Variants in ATP13A5 observed in about 807,000 individuals in gnomAD.
ATP13A5 encodes the protein ATPase 13A5, also known as probable cation-transporting ATPase 13A5.
In ATP13A5, 149 loss-of-function variants were observed where a neutral mutation model predicts 150.2. The ratio of observed to expected loss-of-function variants is 0.99; its 90% CI spans 0.87 to 1.14. The LOEUF (loss-of-function observed/expected upper bound fraction) is 1.14, where lower values mean the gene tolerates loss of function less well. Ranked by LOEUF, ATP13A5 falls within the 50% of genes most tolerant of loss-of-function variation. The pLI, the probability that ATP13A5 is intolerant of heterozygous loss-of-function variation, is 0.00. For missense variants in ATP13A5, 1,383 were observed against 1,449.3 expected (o/e 0.95, Z 0.74); for synonymous variants, 497 against 522.2 (o/e 0.95, Z 0.66).
intron 24 of ATP13A5, among the ~76,000 whole-genome samples, chr3:193,300,962 G>T (rs370028269): frequency 2.6e-5 from 4 of 152,284 alleles, no homozygotes; most frequent in East Asian, 3.9e-4. Context: ...AGAAACAGGG[G>T]TTTGGAGAGG....
chr3:193,327,276 T>C (rs1393065673), intron 12 of ATP13A5, among the ~76,000 whole-genome samples: 1 of 152,182 alleles, frequency 6.6e-6, no homozygotes, highest in Non-Finnish European at 1.5e-5. Flanking sequence ...TTAGGTGATT[T>C]CAGTTACTAA....
intron 13 of ATP13A5, 94 bp downstream of exon 13, chr3:193,326,902 G>T: frequency 9.6e-7 from 1 of 1,043,232 alleles, no homozygotes; most frequent in Non-Finnish European, 1.5e-6. Context: ...TATATTTTAT[G>T]TGACATTCAT....
At position 193,366,613 on chromosome 3, in the gene ATP13A5, A is replaced by G. The variant is rs995753557; in HGVS notation, c.64-2333T>C. On this transcript the variant is annotated intron_variant, in intron 1 of 29. Coordinates refer to ENST00000342358, the MANE Select transcript of ATP13A5 (RefSeq NM_198505.4). ...ATAGTTTTAAAAATTATAAAGAAAA[A>G]TTGATAGAATTTAAATCTACTCTCA... Among the ~76,000 whole-genome samples the G allele has an allele frequency of 9.9e-5, 15 of 152,050 alleles. 1 individual carries two copies. The highest frequency in any genetic ancestry group is 2.9e-4 in the African/African-American group (12 of 41,464).
chr3:193,338,524 C>A (rs1484447141), intron 9 of ATP13A5, among the ~76,000 whole-genome samples: 1 of 152,104 alleles, frequency 6.6e-6, no homozygotes, highest in African/African-American at 2.4e-5. Flanking sequence ...TGTTTATATG[C>A]TGGATTACAT....
intron 3 of ATP13A5, 117 bp from the exon 4 acceptor site, chr3:193,362,754 T>TTTCC (rs1260064561): frequency 4.3e-4 from 28 of 65,824 alleles, no homozygotes; most frequent in African/African-American, 3.6e-3. Context: ...GCTTTCCTTC[T>TTTCC]TTCTTTCTTT....
At chr3:193,335,677 T>C (rs1398904895) in intron 9 of ATP13A5, among the ~76,000 whole-genome samples, 2 of 152,162 alleles carry the variant, frequency 1.3e-5, no homozygotes, top group African/African-American at 4.8e-5. Context: ...CAAGTCCCAT[T>C]TTTATCATCT....
chr3:193,366,380 T>C (rs1713237692), intron 1 of ATP13A5, among the ~76,000 whole-genome samples: 1 of 151,910 alleles, frequency 6.6e-6, no homozygotes, highest in African/African-American at 2.4e-5. Flanking sequence ...AAGAAGTGGA[T>C]AGGTTAAAAA....
chr3:193,276,912 A>G (rs1290660039), intron 28 of ATP13A5, 82 bp from the exon 29 acceptor site: 32 of 1,037,320 alleles, frequency 3.1e-5, no homozygotes, highest in Middle Eastern at 5.9e-4. Context: ...TAATTTATAG[A>G]TTTGTAATAA....
chr3:193,310,838 A>G, intron 20 of ATP13A5, 121 bp from the exon 21 acceptor site: 5 of 616,310 alleles, frequency 8.1e-6, no homozygotes, highest in Admixed American at 3.3e-5. Context: ...ATGGTATGTC[A>G]TTAGACCAAT....
chr3:193,337,643 A>G (rs868857852), intron 9 of ATP13A5, among the ~76,000 whole-genome samples: 7 of 152,154 alleles, frequency 4.6e-5, no homozygotes, highest in Non-Finnish European at 1.0e-4. Flanking sequence ...GCCTTGTAGT[A>G]TAGTTTGAAG....
At chr3:193,282,117 C>T (rs1400481362) in intron 27 of ATP13A5, among the ~76,000 whole-genome samples, 1 of 151,896 alleles carries the variant, frequency 6.6e-6, no homozygotes, top group Non-Finnish European at 1.5e-5. Flanking sequence ...ATTGCTTGAT[C>T]CCGGGAGGTG....
At chr3:193,305,938 G>C (rs1397675092) in intron 22 of ATP13A5, among the ~76,000 whole-genome samples, 1 of 152,018 alleles carries the variant, frequency 6.6e-6, no homozygotes. Context: ...GGCCCTGCCT[G>C]TGGGGATTAT....
rs150546607 is a variant in ATP13A5 at position 193,284,402 on chromosome 3, G to T, written c.3226+512C>A. On this transcript the variant is annotated intron_variant, in intron 27 of 29. Coordinates refer to ENST00000342358, the MANE Select transcript of ATP13A5 (RefSeq NM_198505.4). Reference sequence around the variant, plus strand: ...TTAAATTAATACACAGGGAAAGTAAGTAAGATTTTTTGAGCCCCTATTATA... The same window carrying T: ...TTAAATTAATACACAGGGAAAGTAATTAAGATTTTTTGAGCCCCTATTATA... Among the ~76,000 whole-genome samples the T allele has an allele frequency of 5.9e-3, 895 of 152,182 alleles. 27 individuals carry two copies. In the East Asian group the frequency reaches 0.088, roughly 15 times the overall value.
chr3:193,353,594 G>T (rs1285009654), intron 6 of ATP13A5, among the ~76,000 whole-genome samples: 1 of 152,056 alleles, frequency 6.6e-6, no homozygotes, highest in African/African-American at 2.4e-5. Flanking sequence ...GAGGCAATTA[G>T]GTTTAGATGA....
intron 9 of ATP13A5, among the ~76,000 whole-genome samples, chr3:193,341,509 T>C (rs1176500253): frequency 1.3e-5 from 2 of 152,086 alleles, no homozygotes; most frequent in Non-Finnish European, 2.9e-5. Flanking sequence ...CACGGGAACA[T>C]GCAACAAGGT....
intron 5 of ATP13A5, among the ~76,000 whole-genome samples, chr3:193,356,950 G>C (rs1382606649): frequency 6.6e-6 from 1 of 152,046 alleles, no homozygotes; most frequent in African/African-American, 2.4e-5. Flanking sequence ...TGAGTAGCTG[G>C]GATTACAGGC....
intron 10 of ATP13A5, among the ~76,000 whole-genome samples, chr3:193,334,135 T>C (rs570480229): frequency 6.6e-6 from 1 of 152,272 alleles, no homozygotes; most frequent in African/African-American, 2.4e-5. Flanking sequence ...TTTGAACATT[T>C]AAAAAAATTA....
intron 25 of ATP13A5, among the ~76,000 whole-genome samples, chr3:193,290,520 C>T (rs1370331857): frequency 6.6e-6 from 1 of 152,100 alleles, no homozygotes; most frequent in Non-Finnish European, 1.5e-5. Flanking sequence ...AACACTCACT[C>T]TATTATTCAT....
Position 193,331,163 on chromosome 3 carries a change from A to G in ATP13A5, c.1421T>C (p.Ile474Thr), listed in dbSNP as rs762157766. ...KKIFCISPQR[I>T]NMCGQINLVC... ...GAGGTTTATTTGCCCACACATGTTG[A>G]TTCTCTGTGGGGAGATACAGAAGAT... Residue 474 changes from isoleucine to threonine, a missense_variant, in exon 12 of 30, where the codon ATC becomes ACC. By Grantham distance (89) the Ile-to-Thr change is moderately conservative. Coordinates refer to ENST00000342358, the MANE Select transcript of ATP13A5 (RefSeq NM_198505.4). 1.2e-6 allele frequency: 2 copies of G among 1,614,024 alleles called. No homozygotes were observed. The highest frequency in any genetic ancestry group is 1.7e-6 in the Non-Finnish European group (2 of 1,179,952).
Sources: allele counts gnomAD v4.1 joint callset (sites outside exome capture counted in the v4.1 genomes callset), GRCh38; gene constraint gnomAD v4.1.1; transcripts MANE v1.5; gene names NCBI Gene and HGNC (gene_info 2026-07-23, HGNC 2026-07-21).